XRCC5: variants seen among roughly 807,000 people sequenced by gnomAD.
The protein encoded by XRCC5 is X-ray repair cross complementing 5.
XRCC5 carries 12 observed loss-of-function variants against 95.7 expected under a neutral mutation model. That is an observed-to-expected ratio of 0.13 (90% CI 0.08 to 0.20). The LOEUF is 0.20. XRCC5 is among the 10% of genes least tolerant of loss of function. The pLI is 1.00. For synonymous variants in XRCC5, 281 were observed against 290.3 expected, an observed-to-expected ratio of 0.97 and a Z score of 0.33; for missense variants, 595 against 873.9, an observed-to-expected ratio of 0.68 and a Z score of 4.02.
At chr2:216,123,277 CAAA>C (rs1292436834) in intron 6 of XRCC5, among the ~76,000 whole-genome samples, 19 of 152,108 alleles carry the variant, frequency 1.2e-4, no homozygotes, top group African/African-American at 4.3e-4. Context: ...CTATAATTGA[CAAA>C]AATTATGTTC....
chr2:216,117,552 A>G (rs1343066253), intron 3 of XRCC5, 194 bp from the exon 4 acceptor site: 1 of 511,038 alleles, frequency 2.0e-6, no homozygotes, highest in Non-Finnish European at 3.5e-6. Context: ...TGTTTTTGGC[A>G]GAATATATAG....
intron 17 of XRCC5, among the ~76,000 whole-genome samples, 176 bp from the exon 18 acceptor site, chr2:216,192,463 G>A (rs955880700): frequency 6.6e-6 from 1 of 152,128 alleles, no homozygotes; most frequent in Non-Finnish European, 1.5e-5. Context: ...AGGATTTCTG[G>A]TCCCCAGTGA....
chr2:216,197,958 G>A (rs1689761102), intron 19 of XRCC5, among the ~76,000 whole-genome samples: 1 of 152,120 alleles, frequency 6.6e-6, no homozygotes, highest in African/African-American at 2.4e-5. Flanking sequence ...CTAGATAATG[G>A]TAGAAAATAA....
chr2:216,127,474 T>G, intron 7 of XRCC5, 62 bp from the exon 8 acceptor site: 1 of 1,532,824 alleles, frequency 6.5e-7, no homozygotes, highest in South Asian at 1.3e-5. Flanking sequence ...TATTAGGTTT[T>G]CATCTTCTAT....
intron 16 of XRCC5, among the ~76,000 whole-genome samples, chr2:216,179,596 GT>G (rs1486548749): frequency 6.6e-6 from 1 of 152,190 alleles, no homozygotes; most frequent in Non-Finnish European, 1.5e-5. Flanking sequence ...AGAGAACCTA[GT>G]GGATATCTGG....
In XRCC5 at chr2:216,205,510, C is replaced by G. The variant is rs184868221; in HGVS notation, c.*308C>G. The G allele has an allele frequency of 6.7e-5, 25 of 375,588 alleles. No individual in the cohort carries two copies. Among genetic ancestry groups the G allele is most frequent in the Middle Eastern group, 7.5e-4 (1 of 1,336 alleles). The allele number at this position is 375,588 out of a possible 1,614,324, so 23.3% of individuals were successfully genotyped here. A position where few individuals can be genotyped will look rare whatever the true frequency, so the allele number is the denominator to read the frequency against. ...GCTTTGAAGTTTCTGGAAAGTAGAT[C>G]TTTTCTTGACCTAGTATATCAGTGA... On this transcript the variant is annotated 3_prime_UTR_variant, in exon 21 of 21. Coordinates refer to ENST00000392132, the MANE Select transcript of XRCC5 (RefSeq NM_021141.4).
At chr2:216,183,367 A>G (rs1689427378) in intron 16 of XRCC5, among the ~76,000 whole-genome samples, 1 of 152,216 alleles carries the variant, frequency 6.6e-6, no homozygotes, top group African/African-American at 2.4e-5. Context: ...AACACCCAGC[A>G]GGACTTACTT....
chr2:216,202,329 T>C (rs1387176672), intron 19 of XRCC5, among the ~76,000 whole-genome samples: 3 of 152,088 alleles, frequency 2.0e-5, no homozygotes. Context: ...TTAATGACAA[T>C]GAGTAGGAGA....
chr2:216,112,414 C>T (rs547151079), intron 1 of XRCC5, among the ~76,000 whole-genome samples: 1 of 152,366 alleles, frequency 6.6e-6, no homozygotes, highest in African/African-American at 2.4e-5. Context: ...ATACTTCTAT[C>T]ATGGAACATT....
intron 16 of XRCC5, among the ~76,000 whole-genome samples, chr2:216,165,579 C>T (rs967113491): frequency 1.3e-5 from 2 of 152,192 alleles, no homozygotes; most frequent in African/African-American, 2.4e-5. Context: ...TTTTTACTAA[C>T]GCCCTTTATA....
intron 19 of XRCC5, among the ~76,000 whole-genome samples, chr2:216,203,795 C>T (rs903497056): frequency 6.6e-6 from 1 of 151,986 alleles, no homozygotes; most frequent in Non-Finnish European, 1.5e-5. Context: ...TATGAGAAGT[C>T]CCCCTTTTAC....
At chr2:216,184,530 G>T (rs928285290) in intron 16 of XRCC5, among the ~76,000 whole-genome samples, 1 of 152,292 alleles carries the variant, frequency 6.6e-6, no homozygotes, top group African/African-American at 2.4e-5. Flanking sequence ...AGGCTGGAGT[G>T]CAGTGGTGAG....
At chr2:216,115,621 C>G (rs1270575826) in intron 2 of XRCC5, among the ~76,000 whole-genome samples, 3 of 152,190 alleles carry the variant, frequency 2.0e-5, no homozygotes, top group East Asian at 1.9e-4. Context: ...CCATACAGCA[C>G]TCTTCCCCAT....
chr2:216,183,477 G>A (rs1689430656), intron 16 of XRCC5, among the ~76,000 whole-genome samples: 2 of 152,224 alleles, frequency 1.3e-5, no homozygotes, highest in African/African-American at 4.8e-5. Flanking sequence ...AAATGGTGAG[G>A]TTTTAATTGA....
At chr2:216,135,744 A>C (rs1697064189) in intron 10 of XRCC5, among the ~76,000 whole-genome samples, 1 of 151,750 alleles carries the variant, frequency 6.6e-6, no homozygotes, top group African/African-American at 2.4e-5. Context: ...AGCTGCAGTG[A>C]GCCGAGATTG....
Position 216,125,933 on chromosome 2 carries a change from C to T in XRCC5, c.700C>T (p.Leu234=), listed in dbSNP as rs368053485. ...TTTATTAAGTGAGAGTCTGAGAAAA[C>T]TGTGCGTCTTCAAGAAAATTGAGAG... The part of the protein sequence containing the change: ...IYSFSESLRK[L]CVFKKIERHS... The change falls in exon 7 of 21, where the codon CTG becomes TTG. Residue 234 remains leucine, a synonymous_variant. Transcript: ENST00000392132. 6 of 1,613,456 alleles carry T rather than the reference C, an allele frequency of 3.7e-6. No homozygotes were observed. The African/African-American group carries it at 8.0e-5, about 22-fold the overall frequency.
rs1696783559 is a variant in XRCC5, at chr2:216,120,476, A to G, written c.491+1311A>G. Among the ~76,000 whole-genome samples, 2 of 152,206 alleles carry G rather than the reference A, an allele frequency of 1.3e-5. 1 individual carries two copies. The highest frequency in any genetic ancestry group is 4.1e-4 in the South Asian group (2 of 4,830). On this transcript the variant is annotated intron_variant, in intron 5 of 20. Coordinates refer to ENST00000392132, the MANE Select transcript of XRCC5 (RefSeq NM_021141.4). ...ACCTCCAGCATACAAAGTAGAGTTC[A>G]TAGTTTTACTGTTTGGTGTATTCCA...
At chr2:216,138,288 T>C (rs1697121282) in intron 12 of XRCC5, 109 bp downstream of exon 12, 1 of 918,516 alleles carries the variant, frequency 1.1e-6, no homozygotes, top group East Asian at 2.6e-5. Context: ...GTGCAATTAG[T>C]TGGATTTCCA....
At chr2:216,181,917 A>AG (rs1358307822) in intron 16 of XRCC5, among the ~76,000 whole-genome samples, 8 of 152,326 alleles carry the variant, frequency 5.3e-5, no homozygotes, top group African/African-American at 1.7e-4. Context: ...GAAAGGATAG[A>AG]GGGGGGAAAA....
Sources: gnomAD v4.1 joint callset for allele counts (sites outside exome capture counted in the v4.1 genomes callset) on GRCh38, gnomAD v4.1.1 for gene constraint, MANE v1.5 for transcripts, NCBI Gene and HGNC (gene_info 2026-07-23, HGNC 2026-07-21) for gene names.